Variants in SHOC1 observed in about 807,000 individuals in gnomAD.
The protein encoded by SHOC1 is shortage in chiasmata 1.
SHOC1 carries 136 observed loss-of-function variants against 179.2 expected under a neutral mutation model. The ratio of observed to expected loss-of-function variants is 0.76; its 90% CI spans 0.66 to 0.87. The LOEUF is 0.87. Ranked by LOEUF, SHOC1 falls within the 40% of genes least tolerant of loss-of-function variation. The pLI, the probability that SHOC1 is intolerant of heterozygous loss-of-function variation, is 0.00. For synonymous variants in SHOC1, 489 were observed against 586.6 expected (o/e 0.83, Z 2.41); for missense variants, 1,538 against 1,700.8 (o/e 0.90, Z 1.68).
rs543991094 is a variant in SHOC1, at chr9:111,773,162, T to A, written c.442+2629A>T. Among the ~76,000 whole-genome samples, 37 of 152,306 alleles carry A rather than the reference T, an allele frequency of 2.4e-4. No individual in the cohort carries two copies. In the South Asian group the frequency reaches 7.5e-3, roughly 31 times the overall value. The stretch of plus-strand genomic sequence containing the variant: ...AAATTTTGGCATTGTATATTTGTTT[T>A]TGGTTTCCCATATGAGCAGTGAAGC... On this transcript the variant is annotated intron_variant, in intron 5 of 27. Coordinates refer to ENST00000682961, the MANE Select transcript of SHOC1 (RefSeq NM_001378211.1).
At chr9:111,775,254 C>T (rs896032235) in intron 5 of SHOC1, among the ~76,000 whole-genome samples, 9 of 151,968 alleles carry the variant, frequency 5.9e-5, no homozygotes, top group Non-Finnish European at 1.0e-4. Flanking sequence ...CTTGGCCTCC[C>T]GAAGTGCTGG....
At chr9:111,711,501 G>A (rs1029951122) in intron 18 of SHOC1, among the ~76,000 whole-genome samples, 1 of 152,098 alleles carries the variant, frequency 6.6e-6, no homozygotes, top group Non-Finnish European at 1.5e-5. Context: ...GCTTTGCTGA[G>A]TTTTTTCTTT....
intron 4 of SHOC1, among the ~76,000 whole-genome samples, chr9:111,777,313 T>C (rs1247410317): frequency 6.6e-6 from 1 of 152,224 alleles, no homozygotes; most frequent in Admixed American, 6.5e-5. Context: ...GCTAATTTGT[T>C]AGTCCTACAA....
intron 10 of SHOC1, among the ~76,000 whole-genome samples, chr9:111,744,904 G>C (rs1834202163): frequency 2.6e-5 from 4 of 152,210 alleles, no homozygotes; most frequent in Admixed American, 2.6e-4. Flanking sequence ...CAAAGGGCAA[G>C]GATGCTGGGC....
chr9:111,693,410 C>T (rs2131314705), intron 26 of SHOC1, among the ~76,000 whole-genome samples: 1 of 124,100 alleles, frequency 8.1e-6, no homozygotes, highest in South Asian at 2.5e-4. Context: ...GATGGTGAAA[C>T]CCCGTTTCTA....
Position 111,692,057 on chromosome 9 carries a change from AT to A in SHOC1, c.3919del (p.Ile1307Ter). On this transcript the variant is annotated frameshift_variant, in exon 27 of 28. Coordinates refer to ENST00000682961, the MANE Select transcript of SHOC1 (RefSeq NM_001378211.1). LOFTEE classifies it high-confidence loss of function. ...CTTCTGAGTGTCAGTTGGTGATTTT[AT>A]AGTTTCACAGTTCATTTGTGTTAGA... Reference protein sequence around the residue: ...LGLTQMNCETIKSPTDTQKRV... With the variant: ...LGLTQMNCETXKSPTDTQKRV... 1 of 1,613,846 alleles carries A rather than the reference AT, an allele frequency of 6.2e-7. No homozygotes were observed.
Position 111,738,385 on chromosome 9 carries a change from T to G in SHOC1, c.1312A>C (p.Met438Leu). 1 of 1,613,500 alleles carries G rather than the reference T, an allele frequency of 6.2e-7. No homozygotes were observed. The highest frequency in any genetic ancestry group is 1.1e-5 in the South Asian group (1 of 91,012). ...WKQAGLNLKM[M>L]ETLEHLNTYL... ...GTATTCAGATGTTCCAATGTTTCCATCATTTTCAGATTTAGTCCTGCTTGT... is the reference window on the plus strand; with the variant it reads ...GTATTCAGATGTTCCAATGTTTCCAGCATTTTCAGATTTAGTCCTGCTTGT... The change falls in exon 12 of 28, where the codon ATG becomes CTG. Residue 438 changes from methionine (M) to leucine (L), a missense_variant. By Grantham distance (15) the Met-to-Leu change is conservative (BLOSUM62 2). Coordinates refer to ENST00000682961, the MANE Select transcript of SHOC1 (RefSeq NM_001378211.1).
At chr9:111,689,453 A>G (rs1024420234) in intron 27 of SHOC1, among the ~76,000 whole-genome samples, 2 of 151,810 alleles carry the variant, frequency 1.3e-5, no homozygotes, top group African/African-American at 4.8e-5. Flanking sequence ...GATCCCATAT[A>G]TACACTTCGG....
At chr9:111,759,637 A>G in intron 5 of SHOC1, 1 of 887,030 alleles carries the variant, frequency 1.1e-6, no homozygotes, top group Non-Finnish European at 1.4e-6. Flanking sequence ...ATAAGCTCAG[A>G]TGAAGAACTA....
intron 5 of SHOC1, among the ~76,000 whole-genome samples, chr9:111,764,417 G>A (rs1835266670): frequency 6.6e-6 from 1 of 152,094 alleles, no homozygotes; most frequent in African/African-American, 2.4e-5. Context: ...GCATCCACTG[G>A]TATTTTGCAA....
At chr9:111,704,370 A>C (rs1832146092) in intron 21 of SHOC1, among the ~76,000 whole-genome samples, 1 of 152,078 alleles carries the variant, frequency 6.6e-6, no homozygotes, top group Non-Finnish European at 1.5e-5. Context: ...CATTTTAAGC[A>C]CTTTTTATTT....
chr9:111,708,053 G>T (rs1832360449), intron 18 of SHOC1, 129 bp from the exon 19 acceptor site: 2 of 497,114 alleles, frequency 4.0e-6, no homozygotes, highest in Non-Finnish European at 6.8e-6. Context: ...AATACAATTT[G>T]CTAGATTATT....
chr9:111,692,264 T>A lies in SHOC1; in HGVS notation c.3713A>T (p.Glu1238Val), dbSNP rs7869279. ...NDNSSIMELK[E>V]ISSFLPPVTS... ...CACAGGTGGTAAAAAACTTGAGATT[T>A]CTTTTAGTTCCATAATGGAAGAGTT... Residue 1238 changes from glutamate to valine, a missense_variant, in exon 27 of 28, where the codon GAA becomes GTA. Coordinates refer to ENST00000682961, the MANE Select transcript of SHOC1 (RefSeq NM_001378211.1). 5.0e-6 allele frequency: 8 copies of A among 1,613,266 alleles called. No individual in the cohort carries two copies. The highest frequency in any genetic ancestry group is 5.9e-6 in the Non-Finnish European group (7 of 1,179,494).
At chr9:111,771,319 C>T (rs1420705807) in intron 5 of SHOC1, among the ~76,000 whole-genome samples, 1 of 150,258 alleles carries the variant, frequency 6.7e-6, no homozygotes. Context: ...CACATTTTGA[C>T]TTAGTTGTCT....
Position 111,704,142 on chromosome 9 carries a change from A to G in SHOC1, c.2856-150T>C, listed in dbSNP as rs534589090. The G allele has an allele frequency of 4.0e-5, 21 of 529,144 alleles. No individual in the cohort carries two copies. The Admixed American group carries it at 4.2e-4, about 11-fold the overall frequency. 32.8% of individuals were successfully genotyped at this position (529,144 alleles called of 1,614,324 possible). A position where few individuals can be genotyped will look rare whatever the true frequency, so the allele number is the denominator to read the frequency against. The stretch of plus-strand genomic sequence containing the variant: ...TTGTTCTACTTTATAAAATTTGAAG[A>G]ATAAAGTTATGATTTTTTCAGTATA... On this transcript the variant is annotated intron_variant, in intron 21 of 27. Transcript: ENST00000682961.
At chr9:111,723,691 G>T in intron 14 of SHOC1, 101 bp downstream of exon 14, 1 of 1,163,502 alleles carries the variant, frequency 8.6e-7, no homozygotes, top group Non-Finnish European at 1.2e-6. Context: ...TCTGAAACAA[G>T]TGAAGAAAAT....
chr9:111,791,187 T>A (rs1478551971), intron 2 of SHOC1, among the ~76,000 whole-genome samples, 187 bp downstream of exon 2: 2 of 152,166 alleles, frequency 1.3e-5, no homozygotes, highest in African/African-American at 4.8e-5. Context: ...TAGACTTGGG[T>A]CTTATCCCCA....
At chr9:111,733,863 A>G (rs1186470812) in intron 12 of SHOC1, among the ~76,000 whole-genome samples, 1 of 152,178 alleles carries the variant, frequency 6.6e-6, no homozygotes, top group East Asian at 1.9e-4. Context: ...GTCTCAAAAA[A>G]AAAAAAAAGT....
Position 111,718,299 on chromosome 9 carries a change from A to C in SHOC1, c.2132-11T>G, listed in dbSNP as rs1487067504. 2.0e-6 allele frequency: 3 copies of C among 1,538,242 alleles called. No individual in the cohort carries two copies. Among genetic ancestry groups the C allele is most frequent in the African/African-American group, 2.8e-5 (2 of 71,724 alleles). ...TTTCATCAATTGTACCTAAGTAAGC[A>C]AAAATGTATTTTAAAACATAGACTA... On this transcript the variant is annotated splice_polypyrimidine_tract_variant and intron_variant, in intron 15 of 27. Transcript: ENST00000682961.
Sources: gnomAD v4.1 joint callset for allele counts (sites outside exome capture counted in the v4.1 genomes callset) on GRCh38, gnomAD v4.1.1 for gene constraint, MANE v1.5 for transcripts, NCBI Gene and HGNC (gene_info 2026-07-23, HGNC 2026-07-21) for gene names.